Variants in SLC45A1 observed in about 807,000 individuals in gnomAD.
SLC45A1 encodes proton-associated sugar transporter A.
Under a neutral mutation model 57.6 loss-of-function variants are expected in SLC45A1, and 28 were observed. The ratio of observed to expected loss-of-function variants is 0.49; its 90% CI spans 0.36 to 0.67. The LOEUF is 0.67. SLC45A1 is among the 30% of genes least tolerant of loss of function. The probability of loss-of-function intolerance (pLI) is 0.00; values close to 1 mark genes in which losing one functional copy is unlikely to be tolerated. For synonymous variants in SLC45A1, 459 were observed against 471.5 expected, an observed-to-expected ratio of 0.97 and a Z score of 0.34; for missense variants, 814 against 1,041.5, an observed-to-expected ratio of 0.78 and a Z score of 3.01.
intron 1 of SLC45A1, 28 bp from the exon 2 acceptor site, chr1:8,324,276 CTG>C (rs1375512811): frequency 6.3e-7 from 1 of 1,577,586 alleles, no homozygotes; most frequent in South Asian, 1.2e-5. Flanking sequence ...GCAAAAGTAA[CTG>C]TGGCCTCCCC....
rs555565337 is a variant in SLC45A1 at position 8,327,141 on chromosome 1, C to T, written c.715+1099C>T. The stretch of plus-strand genomic sequence containing the variant: ...AATCCTTGAATGATTTTGAGAGCAC[C>T]GTGAGGATTGGTTCTGAGTTTTCCT... On this transcript the variant is annotated intron_variant, in intron 4 of 8. Transcript: ENST00000471889. The surrounding 1 kb of genome is among the most constrained non-coding windows in gnomAD (Gnocchi z 4.3). 9.0e-4 allele frequency among the ~76,000 whole-genome samples: 137 copies of T among 152,070 alleles called. 3 individuals carry two copies. The South Asian group carries it at 0.027, about 30-fold the overall frequency.
chr1:8,320,492 GA>G (rs1285783926), intron 1 of SLC45A1, among the ~76,000 whole-genome samples: 1 of 152,068 alleles, frequency 6.6e-6, no homozygotes, highest in Non-Finnish European at 1.5e-5. Flanking sequence ...AAAAATACAA[GA>G]ATTAGCCTGG....
Position 8,318,204 on chromosome 1 carries a change from G to A in SLC45A1, c.-25+18G>A. On this transcript the variant is annotated intron_variant, in intron 1 of 8. Coordinates refer to ENST00000471889, the MANE Select transcript of SLC45A1 (RefSeq NM_001080397.3). Reference sequence around the variant, plus strand: ...ACCCACAGGTACCACCGTCTCCTCCGCGCCCTCCGCCCGCTCTCTGGCTCC... The same window carrying A: ...ACCCACAGGTACCACCGTCTCCTCCACGCCCTCCGCCCGCTCTCTGGCTCC... 1 of 424,614 alleles carries A rather than the reference G, an allele frequency of 2.4e-6. No individual in the cohort carries two copies. 26.3% of individuals were successfully genotyped at this position (424,614 alleles called of 1,614,324 possible).
In SLC45A1 at chr1:8,324,374, C is replaced by G. The variant is rs774770763; in HGVS notation, c.45C>G (p.Phe15Leu). The change falls in exon 2 of 9, where the codon TTC becomes TTG. Residue 15 changes from phenylalanine (F) to leucine (L), a missense_variant. Phe to Leu is a conservative substitution (Grantham distance 22). Transcript: ENST00000471889. ...GCACCCCGCCGGGAGATGCCCTCTT[C>G]CCCAGCGTGGCCCCACAGGACTTCT... ...ASSTPPGDALFPSVAPQDFWR... is the reference protein window; with the variant it reads ...ASSTPPGDALLPSVAPQDFWR... The G allele has an allele frequency of 1.6e-5, 25 of 1,612,722 alleles. No individual in the cohort carries two copies. Among genetic ancestry groups the G allele is most frequent in the Middle Eastern group, 1.6e-4 (1 of 6,082 alleles).
In SLC45A1 at chr1:8,328,208, A is replaced by T. The variant is rs1640260432; in HGVS notation, c.716-2001A>T. 1 of 152,210 alleles carries T rather than the reference A, an allele frequency of 6.6e-6. No homozygotes were observed. The highest frequency in any genetic ancestry group is 1.5e-5 in the Non-Finnish European group (1 of 68,052). The allele number at this position is 152,210 out of a possible 1,614,324, so 9.4% of individuals were successfully genotyped here. A position where few individuals can be genotyped will look rare whatever the true frequency, so the allele number is the denominator to read the frequency against. On this transcript the variant is annotated intron_variant, in intron 4 of 8. Transcript: ENST00000471889. The surrounding 1 kb of genome is among the most constrained non-coding windows in gnomAD (Gnocchi z 4.6). Reference sequence around the variant, plus strand: ...AGAAACAGATATTGGAACAATGTTTAAAAATCAAGGGAAAAGCCTAATGAG... The same window carrying T: ...AGAAACAGATATTGGAACAATGTTTTAAAATCAAGGGAAAAGCCTAATGAG...
rs1198066716 is a variant in SLC45A1, at chr1:8,335,443, A to G, written c.1450A>G (p.Asn484Asp). The change falls in exon 6 of 9, where the codon AAT becomes GAT. Residue 484 changes from asparagine to aspartate, a missense_variant. Asn to Asp is a conservative substitution (Grantham distance 23). Coordinates refer to ENST00000471889, the MANE Select transcript of SLC45A1 (RefSeq NM_001080397.3). The surrounding 1 kb of genome is among the most constrained non-coding windows in gnomAD (Gnocchi z 4.1). ...GTTTGTGGGCTCTTCCCAGGTGGCC[A>G]ATATCCTGCTCAACGGCGTGAAGTA... ...RNVTFSQQVA[N>D]ILLNGVKYES... The G allele has an allele frequency of 1.7e-5, 27 of 1,590,418 alleles. No homozygotes were observed. Among genetic ancestry groups the G allele is most frequent in the Non-Finnish European group, 2.2e-5 (26 of 1,174,528 alleles).
intron 5 of SLC45A1, among the ~76,000 whole-genome samples, chr1:8,332,270 T>C (rs545573702): frequency 1.3e-5 from 2 of 152,214 alleles, no homozygotes; most frequent in African/African-American, 4.8e-5. Context: ...CAAGTCTTCA[T>C]GGACGGTGGA....
chr1:8,331,831 C>T (rs1253889834), intron 5 of SLC45A1, among the ~76,000 whole-genome samples: 14 of 146,172 alleles, frequency 9.6e-5, no homozygotes, highest in Admixed American at 6.9e-4. Flanking sequence ...CTCACTCTGT[C>T]GCCCAGGCTG....
Position 8,332,062 on chromosome 1 carries a change from G to A in SLC45A1, c.1443+1126G>A, listed in dbSNP as rs940227370. Among the ~76,000 whole-genome samples the A allele has an allele frequency of 3.3e-5, 5 of 152,194 alleles. 1 individual carries two copies. In the South Asian group the frequency reaches 6.2e-4, roughly 19 times the overall value. ...CTGCCTCTGCCTCCCAAAGTGCTGCGATTACAGGCGTGAGCCACTGCGCCC... is the reference window on the plus strand; with the variant it reads ...CTGCCTCTGCCTCCCAAAGTGCTGCAATTACAGGCGTGAGCCACTGCGCCC... On this transcript the variant is annotated intron_variant, in intron 5 of 8. Coordinates refer to ENST00000471889, the MANE Select transcript of SLC45A1 (RefSeq NM_001080397.3).
Position 8,330,425 on chromosome 1 carries a change from C to T in SLC45A1, c.932C>T (p.Pro311Leu). 1 of 1,611,282 alleles carries T rather than the reference C, an allele frequency of 6.2e-7. No individual in the cohort carries two copies. Reference protein sequence around the residue: ...AAMKSPSLPLPPSPPVLPEEG... With the variant: ...AAMKSPSLPLLPSPPVLPEEG... ...ATGAAGAGCCCCAGCCTCCCGCTGC[C>T]CCCGTCCCCACCCGTCCTGCCAGAG... Residue 311 changes from proline (P) to leucine (L), a missense_variant, in exon 5 of 9, where the codon CCC becomes CTC. Coordinates refer to ENST00000471889, the MANE Select transcript of SLC45A1 (RefSeq NM_001080397.3). This position sits in a 1 kb window ranked among gnomAD's most constrained non-coding sequence, Gnocchi z 8.4.
chr1:8,342,951 G>T (rs6690548), intron 8 of SLC45A1, among the ~76,000 whole-genome samples: 1 of 151,680 alleles, frequency 6.6e-6, no homozygotes, highest in Non-Finnish European at 1.5e-5. Context: ...ATGTGACCTG[G>T]ATTACTGAGT....
At position 8,326,117 on chromosome 1, in the gene SLC45A1, C is replaced by A; in HGVS notation, c.715+75C>A. 1 of 1,126,896 alleles carries A rather than the reference C, an allele frequency of 8.9e-7. No homozygotes were observed. Among genetic ancestry groups the A allele is most frequent in the Non-Finnish European group, 1.3e-6 (1 of 772,820 alleles). 69.8% of individuals were successfully genotyped at this position (1,126,896 alleles called of 1,614,324 possible). On this transcript the variant is annotated intron_variant, in intron 4 of 8. Coordinates refer to ENST00000471889, the MANE Select transcript of SLC45A1 (RefSeq NM_001080397.3). The surrounding 1 kb of genome is among the most constrained non-coding windows in gnomAD (Gnocchi z 5.5). ...CAGACGTGTGGCTTTCGAGGCCCTTCCTCACTCCCTGATTTAACAAAGAAG... is the reference window on the plus strand; with the variant it reads ...CAGACGTGTGGCTTTCGAGGCCCTTACTCACTCCCTGATTTAACAAAGAAG...
chr1:8,331,435 TATTTTTAAAAAAAAAA>T (rs1640407996), intron 5 of SLC45A1, among the ~76,000 whole-genome samples: 3 of 22 alleles, frequency 0.14, 1 homozygote, highest in Admixed American at 0.75. Context: ...CTTTTAAAAA[TATTTTTAAAAAAAAAA>T]TATTTTTAAA....
At position 8,344,001 on chromosome 1, in the gene SLC45A1, G is replaced by A. The variant is rs1444753443; in HGVS notation, c.2235G>A (p.Leu745=). Residue 745 remains leucine, a synonymous_variant, in exon 9 of 9, where the codon CTG becomes CTA. Coordinates refer to ENST00000471889, the MANE Select transcript of SLC45A1 (RefSeq NM_001080397.3). ...DAADEEHRPL[L]LNV is the part of the protein sequence containing the mutation. ...CAGACGAGGAGCACCGGCCCCTCCT[G>A]CTGAACGTCTGACATCGCGGAGCCT... 6.2e-7 allele frequency: 1 copy of A among 1,607,702 alleles called. No individual in the cohort carries two copies. The highest frequency in any genetic ancestry group is 8.5e-7 in the Non-Finnish European group (1 of 1,175,850).
At chr1:8,329,205 A>G (rs1026098759) in intron 4 of SLC45A1, among the ~76,000 whole-genome samples, 1 of 152,220 alleles carries the variant, frequency 6.6e-6, no homozygotes, top group Admixed American at 6.5e-5. Context: ...CTGAAGCCCA[A>G]GCCTGTCCAT....
intron 6 of SLC45A1, among the ~76,000 whole-genome samples, chr1:8,336,903 T>C (rs965863954): frequency 6.6e-6 from 1 of 152,198 alleles, no homozygotes; most frequent in Non-Finnish European, 1.5e-5. Flanking sequence ...TGCTTCCCGG[T>C]GGATTTCTCC....
Position 8,327,883 on chromosome 1 carries a change from T to C in SLC45A1, c.715+1841T>C, listed in dbSNP as rs575620326. Among the ~76,000 whole-genome samples the C allele has an allele frequency of 6.6e-6, 1 of 152,064 alleles. No individual in the cohort carries two copies. The highest frequency in any genetic ancestry group is 2.1e-4 in the South Asian group (1 of 4,806). On this transcript the variant is annotated intron_variant, in intron 4 of 8. Transcript: ENST00000471889. The surrounding 1 kb of genome is among the most constrained non-coding windows in gnomAD (Gnocchi z 4.3). ...CCATCTCTACTAAAAATACAAAAAA[T>C]TAGCCTGGCATGTGGTGCGCACCTG...
In SLC45A1 at chr1:8,326,099, G is replaced by A; in HGVS notation, c.715+57G>A. ...CTGCCGGGCTGCAGGCTTCAGACGTGTGGCTTTCGAGGCCCTTCCTCACTC... is the reference window on the plus strand; with the variant it reads ...CTGCCGGGCTGCAGGCTTCAGACGTATGGCTTTCGAGGCCCTTCCTCACTC... On this transcript the variant is annotated intron_variant, in intron 4 of 8. Transcript: ENST00000471889. The surrounding 1 kb of genome is among the most constrained non-coding windows in gnomAD (Gnocchi z 5.5). The A allele has an allele frequency of 6.9e-7, 1 of 1,444,500 alleles. No individual in the cohort carries two copies. Among genetic ancestry groups the A allele is most frequent in the South Asian group, 1.2e-5 (1 of 86,210 alleles). The allele number at this position is 1,444,500 out of a possible 1,614,324, so 89.5% of individuals were successfully genotyped here. A position where few individuals can be genotyped will look rare whatever the true frequency, so the allele number is the denominator to read the frequency against.
At chr1:8,324,223 A>AAGTT in intron 1 of SLC45A1, 83 bp from the exon 2 acceptor site, 1 of 1,268,818 alleles carries the variant, frequency 7.9e-7, no homozygotes, top group Non-Finnish European at 1.1e-6. Flanking sequence ...TTTGACTCTA[A>AAGTT]ATTCTGCAGT....
Sources: gnomAD v4.1 joint callset for allele counts (sites outside exome capture counted in the v4.1 genomes callset) on GRCh38, gnomAD v4.1.1 for gene constraint, Gnocchi (gnomAD v3.1) non-coding constraint, MANE v1.5 for transcripts, NCBI Gene and HGNC (gene_info 2026-07-23, HGNC 2026-07-21) for gene names.